The following DCDC2 variants were observed in gnomAD, a reference collection of about 807,000 sequenced individuals.
DCDC2 encodes doublecortin domain containing 2, also known as doublecortin domain-containing protein 2.
In DCDC2, 40 loss-of-function variants were observed where a neutral mutation model predicts 50.2. The observed-to-expected ratio is 0.80, with a 90% confidence interval of 0.62 to 1.04. DCDC2 has a LOEUF of 1.04. Among genes scored for constraint, DCDC2 ranks in the 50% least tolerant of loss-of-function variants. DCDC2 has a pLI of 0.00. For missense variants in DCDC2, 570 were observed against 581.9 expected, an observed-to-expected ratio of 0.98 and a Z score of 0.21; for synonymous variants, 234 against 210.6, an observed-to-expected ratio of 1.11 and a Z score of -0.96.
chr6:24,250,193 C>T (rs1400158799), intron 7 of DCDC2, among the ~76,000 whole-genome samples: 1 of 152,152 alleles, frequency 6.6e-6, no homozygotes, highest in Non-Finnish European at 1.5e-5. Flanking sequence ...TTGGCAAGAG[C>T]CTCCAGGCAA....
intron 8 of DCDC2, among the ~76,000 whole-genome samples, chr6:24,192,292 T>C (rs1012995295): frequency 1.3e-5 from 2 of 152,134 alleles, no homozygotes; most frequent in Non-Finnish European, 2.9e-5. Context: ...TCAAAGGATA[T>C]AGACCCCAAA....
the DCDC2 span, among the ~76,000 whole-genome samples, chr6:24,379,117 A>G: frequency 2.0e-5 from 3 of 152,152 alleles, no homozygotes; most frequent in Non-Finnish European, 4.4e-5. Flanking sequence ...AGGCAATACC[A>G]TTCAGGACAT....
chr6:24,366,294 T>C, the DCDC2 span, among the ~76,000 whole-genome samples: 1 of 152,204 alleles, frequency 6.6e-6, no homozygotes, highest in Non-Finnish European at 1.5e-5. Context: ...AAATTCTACA[T>C]AAACCAAATA....
At chr6:24,373,900 C>A in the DCDC2 span, among the ~76,000 whole-genome samples, 11 of 151,712 alleles carry the variant, frequency 7.3e-5, no homozygotes, top group Admixed American at 7.2e-4. Context: ...CGGTGGCTCA[C>A]GCCTGTAATC....
the DCDC2 span, among the ~76,000 whole-genome samples, chr6:24,369,650 T>C: frequency 1.7e-3 from 259 of 151,252 alleles, no homozygotes; most frequent in Non-Finnish European, 2.6e-3. Context: ...GCCAAACTGA[T>C]AGATCAGGGA....
the DCDC2 span, among the ~76,000 whole-genome samples, chr6:24,376,312 A>G: frequency 3.3e-4 from 50 of 152,196 alleles, no homozygotes; most frequent in African/African-American, 1.2e-3. Context: ...AGGGAGGGGG[A>G]GGTGAGAGTC....
intron 7 of DCDC2, among the ~76,000 whole-genome samples, chr6:24,233,048 A>G (rs1298744946): frequency 3.3e-5 from 5 of 152,214 alleles, no homozygotes; most frequent in Non-Finnish European, 4.4e-5. Flanking sequence ...TATGTTTAAT[A>G]TGTTTTCAAG....
intron 8 of DCDC2, among the ~76,000 whole-genome samples, chr6:24,187,352 C>T (rs1761227932): frequency 6.6e-6 from 1 of 152,090 alleles, no homozygotes; most frequent in Non-Finnish European, 1.5e-5. Flanking sequence ...CATGCTGTTC[C>T]TTATACCTTC....
At chr6:24,309,394 G>A (rs1759532433) in intron 2 of DCDC2, among the ~76,000 whole-genome samples, 1 of 151,798 alleles carries the variant, frequency 6.6e-6, no homozygotes, top group Non-Finnish European at 1.5e-5. Flanking sequence ...TCATGAGATT[G>A]GTAACATATA....
intron 4 of DCDC2, among the ~76,000 whole-genome samples, chr6:24,296,955 T>C (rs1454184412): frequency 1.3e-5 from 2 of 152,152 alleles, no homozygotes; most frequent in Non-Finnish European, 2.9e-5. Flanking sequence ...AGCAATCCCA[T>C]TACTGGGTAT....
intron 7 of DCDC2, among the ~76,000 whole-genome samples, chr6:24,261,854 C>T (rs148490219): frequency 6.6e-5 from 10 of 152,032 alleles, no homozygotes; most frequent in African/African-American, 2.4e-4. Flanking sequence ...ATGAAGTAGC[C>T]CATTCAAAAT....
intron 1 of DCDC2, among the ~76,000 whole-genome samples, chr6:24,355,743 A>C (rs1760455475): frequency 6.6e-6 from 1 of 152,176 alleles, no homozygotes; most frequent in Non-Finnish European, 1.5e-5. Context: ...AATAAATCCA[A>C]ATATATCCCT....
chr6:24,238,547 C>T (rs975402431), intron 7 of DCDC2, among the ~76,000 whole-genome samples: 35 of 152,020 alleles, frequency 2.3e-4, no homozygotes, highest in African/African-American at 8.5e-4. Context: ...GATCCGCCCA[C>T]CTCAGCCTCC....
chr6:24,209,393 T>G (rs1761806106), intron 7 of DCDC2, among the ~76,000 whole-genome samples: 1 of 152,210 alleles, frequency 6.6e-6, no homozygotes, highest in African/African-American at 2.4e-5. Context: ...CATCAGCTAT[T>G]CTACCACGAC....
At chr6:24,203,096 A>C (rs878863183) in intron 8 of DCDC2, among the ~76,000 whole-genome samples, 1 of 152,224 alleles carries the variant, frequency 6.6e-6, no homozygotes, top group South Asian at 2.1e-4. Flanking sequence ...ATCCCCATCA[A>C]GCTACCATTG....
chr6:24,305,450 T>C (rs1304999178), intron 2 of DCDC2, among the ~76,000 whole-genome samples: 1 of 152,168 alleles, frequency 6.6e-6, no homozygotes, highest in Non-Finnish European at 1.5e-5. Flanking sequence ...AAAAAGATAA[T>C]TATAAAAAAT....
chr6:24,379,517 C>T, the DCDC2 span, among the ~76,000 whole-genome samples: 4 of 152,124 alleles, frequency 2.6e-5, no homozygotes, highest in African/African-American at 9.7e-5. Context: ...GTTAGAATGG[C>T]AATCATTAAA....
rs1301646448 is a variant in DCDC2 at position 24,202,202 on chromosome 6, T to C, written c.1023+2800A>G. On this transcript the variant is annotated intron_variant, in intron 8 of 9. Transcript: ENST00000378454. ...AACAGAAGAACATTTCAGGCCAATA[T>C]ACCTGATGAATATTGACACCAAAAT... Among the ~76,000 whole-genome samples, 3 of 152,142 alleles carry C rather than the reference T, an allele frequency of 2.0e-5. No individual in the cohort carries two copies. The East Asian group carries it at 5.8e-4, about 29-fold the overall frequency.
At chr6:24,190,548 G>T (rs1761292650) in intron 8 of DCDC2, among the ~76,000 whole-genome samples, 1 of 151,984 alleles carries the variant, frequency 6.6e-6, no homozygotes. Context: ...TTTAAAAAAA[G>T]AAAAAAGTTC....
Sources: allele counts gnomAD v4.1 joint callset (sites outside exome capture counted in the v4.1 genomes callset), GRCh38; gene constraint gnomAD v4.1.1; transcripts MANE v1.5; gene names NCBI Gene and HGNC (gene_info 2026-07-23, HGNC 2026-07-21).